Variants in DBF4B observed in about 807,000 individuals in gnomAD.
DBF4B encodes DBF4B-CDC7 kinase regulatory subunit.
DBF4B carries 49 observed loss-of-function variants against 53.4 expected under a neutral mutation model. The observed-to-expected ratio is 0.92, with a 90% CI of 0.73 to 1.16. DBF4B has a LOEUF of 1.16. Among genes scored for constraint, DBF4B ranks in the 50% most tolerant of loss-of-function variants. The probability of loss-of-function intolerance (pLI) is 0.00; values close to 1 mark genes in which losing one functional copy is unlikely to be tolerated. For missense variants in DBF4B, 692 were observed against 775.0 expected, an observed-to-expected ratio of 0.89 and a Z score of 1.27; for synonymous variants, 257 against 288.7, an observed-to-expected ratio of 0.89 and a Z score of 1.11.
rs557516214 is a variant in DBF4B, at chr17:44,741,422, C to A, written c.800C>A (p.Pro267Gln). ...AAAGATGCAAGTCCCTTTGAGGCCC[C>A]GACGACCCTGGGCAGCATGCACCAT... is the stretch of plus-strand genomic sequence containing the variant. ...GPKDASPFEA[P>Q]TTLGSMHHTR... Residue 267 changes from proline (P) to glutamine (Q), a missense_variant, in exon 10 of 14, where the codon CCG becomes CAG. This residue lies in a region of DBF4B where 597 missense variants were observed against 665.8 expected (regional missense o/e 0.90). Transcript: ENST00000315005. 2.5e-6 allele frequency: 4 copies of A among 1,612,866 alleles called. No homozygotes were observed.
intron 6 of DBF4B, 173 bp downstream of exon 6, chr17:44,732,438 G>C (rs1974921513): frequency 1.4e-6 from 1 of 704,540 alleles, no homozygotes; most frequent in Non-Finnish European, 2.4e-6. Flanking sequence ...GGAAAGCGGT[G>C]AGGACGCAGA....
chr17:44,737,994 C>G (rs1038120927), intron 8 of DBF4B, among the ~76,000 whole-genome samples: 4 of 152,212 alleles, frequency 2.6e-5, no homozygotes, highest in African/African-American at 9.6e-5. Flanking sequence ...GGAATGACCA[C>G]CCCCACCCTG....
chr17:44,717,628 G>T (rs2144793183), intron 2 of DBF4B, among the ~76,000 whole-genome samples: 1 of 150,562 alleles, frequency 6.6e-6, no homozygotes, highest in East Asian at 2.0e-4. Flanking sequence ...AGAATCACTT[G>T]AATCCGGGAG....
At chr17:44,724,676 GC>G (rs1974139708) in intron 3 of DBF4B, among the ~76,000 whole-genome samples, 1 of 151,698 alleles carries the variant, frequency 6.6e-6, no homozygotes, top group South Asian at 2.1e-4. Flanking sequence ...ACCATGCCCA[GC>G]CAAAAAAAAG....
intron 3 of DBF4B, among the ~76,000 whole-genome samples, chr17:44,729,103 GAAAA>G (rs1169025922): frequency 7.1e-6 from 1 of 141,466 alleles, no homozygotes; most frequent in Non-Finnish European, 1.6e-5. Flanking sequence ...CTCAAAAAAA[GAAAA>G]GAAAAGAAAA....
At chr17:44,747,957 G>A (rs1053025267) in intron 12 of DBF4B, among the ~76,000 whole-genome samples, 1 of 152,152 alleles carries the variant, frequency 6.6e-6, no homozygotes, top group Non-Finnish European at 1.5e-5. Flanking sequence ...CAGCAAGGCA[G>A]ACCCTCTCCC....
intron 6 of DBF4B, among the ~76,000 whole-genome samples, chr17:44,733,336 C>A (rs1975030423): frequency 6.6e-6 from 1 of 152,198 alleles, no homozygotes; most frequent in Admixed American, 6.5e-5. Context: ...GTGTGGCCCA[C>A]CACTCTCAGT....
chr17:44,728,782 A>G (rs1379153152), intron 3 of DBF4B, among the ~76,000 whole-genome samples: 4 of 150,960 alleles, frequency 2.6e-5, no homozygotes, highest in Non-Finnish European at 5.9e-5. Flanking sequence ...GCATGACTGC[A>G]CTCCAGCCTG....
At chr17:44,720,767 A>G (rs1488214620) in intron 2 of DBF4B, among the ~76,000 whole-genome samples, 1 of 152,082 alleles carries the variant, frequency 6.6e-6, no homozygotes, top group East Asian at 1.9e-4. Context: ...AAACTAACAC[A>G]TGGTTTTCCA....
chr17:44,751,979 C>A lies in DBF4B; in HGVS notation c.*726C>A. Reference sequence around the variant, plus strand: ...TCTGCCCTGAGTCAGCTCCGAGACACCTGAAGAGCCCTCCAGCCCTAACTA... The same window carrying A: ...TCTGCCCTGAGTCAGCTCCGAGACAACTGAAGAGCCCTCCAGCCCTAACTA... On this transcript the variant is annotated 3_prime_UTR_variant, in exon 14 of 14. Transcript: ENST00000315005. The A allele has an allele frequency of 1.3e-6, 2 of 1,534,914 alleles. No individual in the cohort carries two copies. The highest frequency in any genetic ancestry group is 1.7e-6 in the Non-Finnish European group (2 of 1,146,396).
Position 44,749,631 on chromosome 17 carries a change from G to A in DBF4B, c.1190-964G>A. On this transcript the variant is annotated intron_variant, in intron 13 of 13. Coordinates refer to ENST00000315005, the MANE Select transcript of DBF4B (RefSeq NM_145663.3). The surrounding 1 kb of genome is among the most constrained non-coding windows in gnomAD (Gnocchi z 4.4). ...CTCCTGCCATGTTCCTGACCAGGCAGAGTCTACAGTGGGCTTGCCCAGCTG... is the reference window on the plus strand; with the variant it reads ...CTCCTGCCATGTTCCTGACCAGGCAAAGTCTACAGTGGGCTTGCCCAGCTG... 8.4e-7 allele frequency: 1 copy of A among 1,185,222 alleles called. No individual in the cohort carries two copies. The highest frequency in any genetic ancestry group is 1.1e-6 in the Non-Finnish European group (1 of 939,074). The allele number at this position is 1,185,222 out of a possible 1,614,324, so 73.4% of individuals were successfully genotyped here. A position where few individuals can be genotyped will look rare whatever the true frequency, so the allele number is the denominator to read the frequency against.
chr17:44,724,672 C>T (rs965457843), intron 3 of DBF4B, among the ~76,000 whole-genome samples: 5 of 152,072 alleles, frequency 3.3e-5, no homozygotes, highest in African/African-American at 1.2e-4. Flanking sequence ...AGCCACCATG[C>T]CCAGCCAAAA....
At chr17:44,738,052 C>T (rs1348814470) in intron 8 of DBF4B, among the ~76,000 whole-genome samples, 1 of 152,232 alleles carries the variant, frequency 6.6e-6, no homozygotes, top group Non-Finnish European at 1.5e-5. Context: ...CCAAACCAGC[C>T]AGGTGTCTGA....
intron 2 of DBF4B, among the ~76,000 whole-genome samples, chr17:44,709,905 T>G (rs1481730432): frequency 2.0e-5 from 3 of 151,634 alleles, no homozygotes; most frequent in South Asian, 2.1e-4. Flanking sequence ...CGGGCGCGGC[T>G]GCTCACGCCT....
At chr17:44,746,941 G>T in intron 10 of DBF4B, 142 bp from the exon 11 acceptor site, 1 of 709,404 alleles carries the variant, frequency 1.4e-6, no homozygotes, top group Non-Finnish European at 2.5e-6. Flanking sequence ...GCTCAGGGAA[G>T]GCCTGCCTGC....
chr17:44,710,815 A>G (rs924850033), intron 2 of DBF4B, among the ~76,000 whole-genome samples: 1 of 151,550 alleles, frequency 6.6e-6, no homozygotes, highest in Admixed American at 6.6e-5. Context: ...TCAAGCGATC[A>G]CCCTCCTCAG....
chr17:44,739,242 AT>A (rs1416798765), intron 9 of DBF4B, among the ~76,000 whole-genome samples: 4 of 152,236 alleles, frequency 2.6e-5, no homozygotes, highest in Non-Finnish European at 5.9e-5. Flanking sequence ...TGAATCTATA[AT>A]TATCTCAAAA....
intron 4 of DBF4B, 56 bp from the exon 5 acceptor site, chr17:44,730,909 C>T: frequency 3.1e-6 from 5 of 1,587,748 alleles, no homozygotes; most frequent in Non-Finnish European, 4.3e-6. Context: ...GTGTAAACAT[C>T]TTTCAGTGCA....
chr17:44,708,763 A>C lies in DBF4B; in HGVS notation c.-58A>C. 2 of 1,542,576 alleles carry C rather than the reference A, an allele frequency of 1.3e-6. No homozygotes were observed. The highest frequency in any genetic ancestry group is 1.2e-5 in the South Asian group (1 of 83,260). ...CGGGAAGAGCTCATGGAGCTCGCGA[A>C]TGTAATACGGAGGCCTCTGAGGAAG... On this transcript the variant is annotated 5_prime_UTR_variant, in exon 1 of 14. An upstream start codon of the reference 5' UTR is lost. Transcript: ENST00000315005.
Sources: gnomAD v4.1 joint callset for allele counts (sites outside exome capture counted in the v4.1 genomes callset) on GRCh38, gnomAD v4.1.1 for gene constraint, gnomAD v4.1.1 regional missense constraint, Gnocchi (gnomAD v3.1) non-coding constraint, MANE v1.5 for transcripts, NCBI Gene and HGNC (gene_info 2026-07-23, HGNC 2026-07-21) for gene names.